CDH9: variants seen among roughly 807,000 people sequenced by gnomAD.
The protein encoded by CDH9 is cadherin-9.
In CDH9, 28 loss-of-function variants were observed where a neutral mutation model predicts 70.9. That is an observed-to-expected ratio of 0.40 (90% CI 0.29 to 0.54). The LOEUF is 0.54. CDH9 is among the 20% of genes least tolerant of loss of function. The pLI is 0.59. For synonymous variants in CDH9, 409 were observed against 343.1 expected (o/e 1.19, Z -2.12); for missense variants, 874 against 984.4 (o/e 0.89, Z 1.50).
rs185044936 is a variant in CDH9 at position 26,975,369 on chromosome 5, T to C, written c.228+12737A>G. Reference sequence around the variant, plus strand: ...GCACCTCAAAATATAGAAAGTCTTATTCTTAAGAGTGACATATTGAAATAA... The same window carrying C: ...GCACCTCAAAATATAGAAAGTCTTACTCTTAAGAGTGACATATTGAAATAA... On this transcript the variant is annotated intron_variant, in intron 2 of 11. Coordinates refer to ENST00000231021, the MANE Select transcript of CDH9 (RefSeq NM_016279.4). 5.3e-3 allele frequency among the ~76,000 whole-genome samples: 814 copies of C among 152,320 alleles called. 6 individuals carry two copies. The highest frequency in any genetic ancestry group is 0.019 in the African/African-American group (775 of 41,576).
intron 2 of CDH9, among the ~76,000 whole-genome samples, chr5:26,943,529 G>C (rs1741698371): frequency 7.1e-6 from 1 of 140,700 alleles, no homozygotes; most frequent in Non-Finnish European, 1.6e-5. Context: ...AAAAAAAAAA[G>C]CTAACTCAGG....
intron 11 of CDH9, among the ~76,000 whole-genome samples, chr5:26,882,173 T>C (rs777973743): frequency 4.6e-5 from 7 of 151,988 alleles, no homozygotes; most frequent in Non-Finnish European, 1.0e-4. Flanking sequence ...ATCTCATAGG[T>C]TTAACTAAAT....
At chr5:26,882,303 TATCTTGTTAATGAG>T (rs1348446258) in intron 11 of CDH9, among the ~76,000 whole-genome samples, 1 of 152,074 alleles carries the variant, frequency 6.6e-6, no homozygotes, top group Non-Finnish European at 1.5e-5. Context: ...CCTCAGACTG[TATCTTGTTAATGAG>T]GACTTCCTTG....
Position 26,993,102 on chromosome 5 carries a change from C to CAAA in CDH9, c.-49-4723_-49-4721dup, listed in dbSNP as rs34636129. ...GGCAACAAGGGTGAAACTCCGTCTC[C>CAAA]AAAAAAAAAAAAAAAAAGCATATCT... On this transcript the variant is annotated intron_variant, in intron 1 of 11. Coordinates refer to ENST00000231021, the MANE Select transcript of CDH9 (RefSeq NM_016279.4). Among the ~76,000 whole-genome samples the CAAA allele has an allele frequency of 1.2e-3, 123 of 104,354 alleles. 3 individuals are homozygous for CAAA. Among genetic ancestry groups the CAAA allele is most frequent in the Middle Eastern group, 6.2e-3 (1 of 162 alleles). 68.5% of individuals were successfully genotyped at this position (104,354 alleles called of 152,430 possible).
At chr5:26,968,896 C>A (rs1561022916) in intron 2 of CDH9, among the ~76,000 whole-genome samples, 1 of 152,152 alleles carries the variant, frequency 6.6e-6, no homozygotes, top group African/African-American at 2.4e-5. Context: ...AAAGTTAATA[C>A]ATCTGTCCAG....
rs556578382 is a variant in CDH9, at chr5:26,963,122, G to A, written c.228+24984C>T. Among the ~76,000 whole-genome samples the A allele has an allele frequency of 2.0e-5, 3 of 152,238 alleles. No individual in the cohort carries two copies. In the South Asian group the frequency reaches 6.2e-4, roughly 32 times the overall value. On this transcript the variant is annotated intron_variant, in intron 2 of 11. Coordinates refer to ENST00000231021, the MANE Select transcript of CDH9 (RefSeq NM_016279.4). ...ATAAATACTGAGTTATTATTAATCAGAACTTATTAAATCGCATTAGAATTA... is the reference window on the plus strand; with the variant it reads ...ATAAATACTGAGTTATTATTAATCAAAACTTATTAAATCGCATTAGAATTA...
chr5:26,881,847 C>G (rs1274596966), intron 11 of CDH9, among the ~76,000 whole-genome samples: 1 of 152,040 alleles, frequency 6.6e-6, no homozygotes, highest in East Asian at 1.9e-4. Context: ...TCAAGACATA[C>G]TCTCCTATGA....
chr5:26,906,984 A>T (rs1001936060), intron 3 of CDH9, 146 bp from the exon 4 acceptor site: 57 of 1,259,970 alleles, frequency 4.5e-5, no homozygotes, highest in Non-Finnish European at 5.6e-5. Context: ...TCCTCAAAAA[A>T]GTTACTTTCC....
chr5:26,893,879 T>C (rs1389552886), intron 7 of CDH9, among the ~76,000 whole-genome samples: 2 of 152,116 alleles, frequency 1.3e-5, no homozygotes, highest in African/African-American at 4.8e-5. Context: ...AAACAAAATA[T>C]TATGTTTCCT....
At chr5:27,029,934 A>G (rs900529159) in intron 1 of CDH9, among the ~76,000 whole-genome samples, 1 of 152,008 alleles carries the variant, frequency 6.6e-6, no homozygotes, top group Admixed American at 6.6e-5. Context: ...TAGATACGTC[A>G]ATTATGGGGC....
At chr5:26,990,904 T>TAA (rs1742569464) in intron 1 of CDH9, among the ~76,000 whole-genome samples, 2 of 152,192 alleles carry the variant, frequency 1.3e-5, no homozygotes, top group Non-Finnish European at 2.9e-5. Flanking sequence ...CCATTTTGTG[T>TAA]GGAACATAGG....
At chr5:26,943,642 C>T (rs749689096) in intron 2 of CDH9, among the ~76,000 whole-genome samples, 3 of 152,090 alleles carry the variant, frequency 2.0e-5, no homozygotes, top group African/African-American at 4.8e-5. Flanking sequence ...TCAATTGAGG[C>T]TGTGAACCTG....
intron 2 of CDH9, among the ~76,000 whole-genome samples, chr5:26,917,122 A>T (rs1741163816): frequency 6.6e-6 from 1 of 152,012 alleles, no homozygotes; most frequent in Non-Finnish European, 1.5e-5. Context: ...ATAATTTTTT[A>T]AAATTAATTG....
intron 1 of CDH9, among the ~76,000 whole-genome samples, chr5:27,000,670 A>T (rs1036264221): frequency 6.6e-6 from 1 of 152,164 alleles, no homozygotes; most frequent in Non-Finnish European, 1.5e-5. Flanking sequence ...TAATGTTTAT[A>T]GAATCTTTAT....
At chr5:27,000,402 C>A (rs182873928) in intron 1 of CDH9, among the ~76,000 whole-genome samples, 1 of 152,222 alleles carries the variant, frequency 6.6e-6, no homozygotes, top group East Asian at 1.9e-4. Flanking sequence ...GTAACTCTTT[C>A]GCTGCTGATG....
At chr5:26,987,353 T>C (rs1236844918) in intron 2 of CDH9, among the ~76,000 whole-genome samples, 3 of 151,918 alleles carry the variant, frequency 2.0e-5, no homozygotes, top group Admixed American at 6.6e-5. Flanking sequence ...GAGTTTAGAA[T>C]AGTATGAATG....
At chr5:26,899,780 G>C (rs552480546) in intron 7 of CDH9, among the ~76,000 whole-genome samples, 184 of 151,694 alleles carry the variant, frequency 1.2e-3, no homozygotes, top group African/African-American at 4.3e-3. Context: ...ATGACGGTTT[G>C]ATGGGTGCAG....
intron 1 of CDH9, among the ~76,000 whole-genome samples, chr5:27,014,163 T>G (rs1743006949): frequency 6.6e-6 from 1 of 151,932 alleles, no homozygotes; most frequent in Non-Finnish European, 1.5e-5. Flanking sequence ...TCAAACTGTG[T>G]TTTTCCAGCC....
At chr5:26,945,105 T>C (rs2112040076) in intron 2 of CDH9, among the ~76,000 whole-genome samples, 1 of 150,364 alleles carries the variant, frequency 6.7e-6, no homozygotes, top group Middle Eastern at 3.4e-3. Flanking sequence ...TGGTTTTACA[T>C]TTTTACTTTT....
Sources: gnomAD v4.1 joint callset for allele counts (sites outside exome capture counted in the v4.1 genomes callset) on GRCh38, gnomAD v4.1.1 for gene constraint, MANE v1.5 for transcripts, NCBI Gene and HGNC (gene_info 2026-07-23, HGNC 2026-07-21) for gene names.